Variants in TENM4 observed in about 807,000 individuals in gnomAD.
TENM4 encodes the protein teneurin-4.
Under a neutral mutation model 243.3 loss-of-function variants are expected in TENM4, and 82 were observed. That is an observed-to-expected ratio of 0.34 (90% confidence interval 0.28 to 0.40). The LOEUF is 0.40. TENM4 is among the 10% of genes least tolerant of loss of function. TENM4 has a pLI of 1.00. For synonymous variants in TENM4, 1,412 were observed against 1,456.3 expected, an observed-to-expected ratio of 0.97 and a Z score of 0.69; for missense variants, 3,138 against 3,673.3, an observed-to-expected ratio of 0.85 and a Z score of 3.77.
At chr11:79,172,431 CT>C (rs1344521297) in intron 3 of TENM4, among the ~76,000 whole-genome samples, 1 of 152,196 alleles carries the variant, frequency 6.6e-6, no homozygotes, top group African/African-American at 2.4e-5. Context: ...TACTTTACCC[CT>C]ATCCATTCAG....
chr11:79,269,907 T>C (rs1253854999), intron 2 of TENM4, among the ~76,000 whole-genome samples: 1 of 152,218 alleles, frequency 6.6e-6, no homozygotes, highest in African/African-American at 2.4e-5. Context: ...CCAGCAGGAT[T>C]AACTACTTCT....
chr11:78,942,554 G>T (rs1856922673), intron 6 of TENM4, among the ~76,000 whole-genome samples: 1 of 152,148 alleles, frequency 6.6e-6, no homozygotes, highest in Non-Finnish European at 1.5e-5. Context: ...CGGCCTGTGG[G>T]CCAAGGGTTG....
intron 1 of TENM4, among the ~76,000 whole-genome samples, chr11:79,367,161 T>C (rs1511240): frequency 0.15 from 22,355 of 152,186 alleles, 1,719 homozygotes; most frequent in Non-Finnish European, 0.17. Context: ...TCCTTATCTG[T>C]AAAATTGGGA....
intron 6 of TENM4, among the ~76,000 whole-genome samples, chr11:78,930,302 T>C (rs546561300): frequency 2.6e-5 from 4 of 152,302 alleles, no homozygotes; most frequent in Non-Finnish European, 4.4e-5. Context: ...TTCCGAAAGC[T>C]CTGTTTATGC....
chr11:79,334,165 G>C (rs1166878065), intron 1 of TENM4, among the ~76,000 whole-genome samples: 4 of 152,198 alleles, frequency 2.6e-5, no homozygotes, highest in African/African-American at 9.6e-5. Context: ...CAGAATCAAA[G>C]AGCAGGTCCC....
chr11:79,156,948 G>C (rs11826262), intron 3 of TENM4, among the ~76,000 whole-genome samples: 1 of 152,014 alleles, frequency 6.6e-6, no homozygotes, highest in African/African-American at 2.4e-5. Context: ...TGAGGGGTTG[G>C]GCAGGAGTGG....
intron 3 of TENM4, among the ~76,000 whole-genome samples, chr11:79,195,088 C>T (rs893670052): frequency 6.6e-6 from 1 of 152,244 alleles, no homozygotes; most frequent in Non-Finnish European, 1.5e-5. Context: ...CAAGCCTTGG[C>T]AGCCTCCACA....
At chr11:79,160,029 A>G (rs1286205564) in intron 3 of TENM4, among the ~76,000 whole-genome samples, 1 of 152,030 alleles carries the variant, frequency 6.6e-6, no homozygotes, top group East Asian at 1.9e-4. Flanking sequence ...TAAGTAAATC[A>G]TTCATTTACC....
intron 4 of TENM4, among the ~76,000 whole-genome samples, chr11:79,123,398 C>T (rs1310450763): frequency 6.6e-6 from 1 of 152,130 alleles, no homozygotes; most frequent in Non-Finnish European, 1.5e-5. Context: ...TAGTCTGGCC[C>T]CAAGGTATAT....
intron 3 of TENM4, among the ~76,000 whole-genome samples, chr11:79,205,111 T>C (rs961745128): frequency 4.6e-5 from 7 of 152,252 alleles, no homozygotes; most frequent in Admixed American, 2.0e-4. Context: ...GTACCTATTA[T>C]GTTTCTTTTA....
intron 4 of TENM4, among the ~76,000 whole-genome samples, chr11:79,129,247 G>T (rs923310679): frequency 1.3e-5 from 2 of 152,156 alleles, no homozygotes; most frequent in Non-Finnish European, 2.9e-5. Flanking sequence ...GGCCATTCCT[G>T]CCTGGCACCA....
rs533584789 is a variant in TENM4, at chr11:79,278,706, C to A, written c.-265+18782G>T. ...CATTTCTCTGAGGAAGGAAGCTAGC[C>A]CATTAGTGAGCCACTCAAGTGGCCC... is the stretch of plus-strand genomic sequence containing the variant. On this transcript the variant is annotated intron_variant, in intron 2 of 33. Transcript: ENST00000278550. Among the ~76,000 whole-genome samples the A allele has an allele frequency of 6.2e-4, 95 of 152,298 alleles. 3 individuals are homozygous for A. The South Asian group carries it at 0.019, about 31-fold the overall frequency.
In TENM4 at chr11:78,849,498, T is replaced by C. The variant is rs75255728; in HGVS notation, c.1681+4606A>G. On this transcript the variant is annotated intron_variant, in intron 12 of 33. Coordinates refer to ENST00000278550, the MANE Select transcript of TENM4 (RefSeq NM_001098816.3). ...GTAAAGTTGAGGTCAACATATCTAT[T>C]GTCTAAACTTCTTGTGAGGATTAAA... 2.3e-4 allele frequency among the ~76,000 whole-genome samples: 35 copies of C among 152,350 alleles called. No homozygotes were observed. In the East Asian group the frequency reaches 6.7e-3, roughly 29 times the overall value.
intron 4 of TENM4, among the ~76,000 whole-genome samples, chr11:79,144,541 A>G (rs1862359162): frequency 6.6e-6 from 1 of 152,124 alleles, no homozygotes. Context: ...GTGTCCATCA[A>G]CAGATGAATG....
At chr11:79,310,334 A>G (rs1856698333) in intron 1 of TENM4, among the ~76,000 whole-genome samples, 2 of 152,218 alleles carry the variant, frequency 1.3e-5, no homozygotes. Flanking sequence ...GTCTAAGATA[A>G]TAAGACTTTG....
Position 79,147,785 on chromosome 11 carries a change from C to T in TENM4, c.-66+925G>A, listed in dbSNP as rs376683309. Among the ~76,000 whole-genome samples, 257 of 152,146 alleles carry T rather than the reference C, an allele frequency of 1.7e-3. 9 individuals carry two copies. The South Asian group carries it at 0.047, about 28-fold the overall frequency. ...CATCCTCATTTAACAAATGAGGAAA[C>T]AGATGATCAGAGATGAGAAATGGCA... On this transcript the variant is annotated intron_variant, in intron 4 of 33. Coordinates refer to ENST00000278550, the MANE Select transcript of TENM4 (RefSeq NM_001098816.3).
chr11:79,371,691 A>G (rs1442487803), intron 1 of TENM4, among the ~76,000 whole-genome samples: 1 of 152,186 alleles, frequency 6.6e-6, no homozygotes, highest in Non-Finnish European at 1.5e-5. Context: ...CCCAAATTTC[A>G]TGAGTTCCTT....
chr11:78,995,621 C>T lies in TENM4; in HGVS notation c.493+69117G>A, dbSNP rs576852109. Among the ~76,000 whole-genome samples, 3 of 151,842 alleles carry T rather than the reference C, an allele frequency of 2.0e-5. No homozygotes were observed. In the South Asian group the frequency reaches 6.3e-4, roughly 32 times the overall value. On this transcript the variant is annotated intron_variant, in intron 6 of 33. Transcript: ENST00000278550. ...AGCAAATGCAGCAGGAGGAGATGTG[C>T]TTCTTCAGGTAAGTGGTGGGTGGAA...
Position 79,001,484 on chromosome 11 carries a change from C to CA in TENM4, c.493+63253_493+63254insT, listed in dbSNP as rs571635888. 8.2e-3 allele frequency among the ~76,000 whole-genome samples: 1,253 copies of CA among 152,098 alleles called. 5 individuals are homozygous for CA. Among genetic ancestry groups the CA allele is most frequent in the Non-Finnish European group, 0.013 (878 of 67,986 alleles). On this transcript the variant is annotated intron_variant, in intron 6 of 33. Transcript: ENST00000278550. Reference sequence around the variant, plus strand: ...GAATCCTGGCAGCAGGAGACCCCCCCCAAATCCCATGAACACTTGAGCTGT... The same window carrying CA: ...GAATCCTGGCAGCAGGAGACCCCCCCACAAATCCCATGAACACTTGAGCTGT...
Sources: gnomAD v4.1 joint callset for allele counts (sites outside exome capture counted in the v4.1 genomes callset) on GRCh38, gnomAD v4.1.1 for gene constraint, MANE v1.5 for transcripts, NCBI Gene and HGNC (gene_info 2026-07-23, HGNC 2026-07-21) for gene names.